TCF20: variants seen among roughly 807,000 people sequenced by gnomAD.
TCF20 encodes the protein transcription factor 20, also known as SPRE-binding protein.
In TCF20, 3 loss-of-function variants were observed where a neutral mutation model predicts 148.6. The observed-to-expected ratio is 0.02, with a 90% CI of 0.01 to 0.05. The LOEUF (loss-of-function observed/expected upper bound fraction) is 0.05. TCF20 is among the 10% of genes least tolerant of loss of function. The pLI is 1.00. For synonymous variants in TCF20, 1,049 were observed against 909.5 expected (o/e 1.15, Z -2.76); for missense variants, 2,350 against 2,429.3 (o/e 0.97, Z 0.69).
chr22:42,250,162 A>C (rs1175812586), intron 1 of TCF20, among the ~76,000 whole-genome samples: 1 of 152,184 alleles, frequency 6.6e-6, no homozygotes, highest in East Asian at 1.9e-4. Context: ...GAAACTGGCC[A>C]GGCACGGTGG....
chr22:42,270,711 CGGGCGGGA>C (rs1249753369), upstream of TCF20, among the ~76,000 whole-genome samples: 1 of 73,008 alleles, frequency 1.4e-5, no homozygotes, highest in East Asian at 3.9e-4. Context: ...GGCGCGCGGG[CGGGCGGGA>C]GGGCGCGCGG....
chr22:42,270,631 T>C lies in TCF20; in HGVS notation c.-329A>G, dbSNP rs947668453. ...TGGGCTCGGGGTTTTTTCTCTCCAT[T>C]CTCCCAACACACAGGAAATAACAGA... On this transcript the variant is annotated 5_prime_UTR_variant, in exon 1 of 6. Transcript: ENST00000677622. 5.1e-5 allele frequency among the ~76,000 whole-genome samples: 7 copies of C among 137,722 alleles called. No individual in the cohort carries two copies. Among genetic ancestry groups the C allele is most frequent in the Non-Finnish European group, 7.8e-5 (5 of 63,766 alleles). 90.4% of individuals were successfully genotyped at this position (137,722 alleles called of 152,430 possible). A position where few individuals can be genotyped will look rare whatever the true frequency, so the allele number is the denominator to read the frequency against.
At chr22:42,173,538 C>T (rs1304918592) in intron 3 of TCF20, among the ~76,000 whole-genome samples, 1 of 152,196 alleles carries the variant, frequency 6.6e-6, no homozygotes, top group Non-Finnish European at 1.5e-5. Context: ...CTGCTCTTTA[C>T]TCCATAAGGG....
chr22:42,223,583 G>A (rs1360070319), intron 1 of TCF20, among the ~76,000 whole-genome samples: 3 of 152,168 alleles, frequency 2.0e-5, no homozygotes, highest in South Asian at 2.1e-4. Context: ...AGACTCAGAA[G>A]TTAAACAAGC....
At chr22:42,161,783 A>C (rs1013290988) in intron 5 of TCF20, among the ~76,000 whole-genome samples, 1 of 152,194 alleles carries the variant, frequency 6.6e-6, no homozygotes, top group Non-Finnish European at 1.5e-5. Context: ...CTCGAAGTCC[A>C]GCCTTTTAGG....
intron 2 of TCF20, among the ~76,000 whole-genome samples, chr22:42,194,118 G>A (rs1333529172): frequency 1.3e-5 from 2 of 152,170 alleles, no homozygotes; most frequent in African/African-American, 2.4e-5. Flanking sequence ...TTGGGGGTCC[G>A]TGGGAAAAGT....
intron 1 of TCF20, among the ~76,000 whole-genome samples, chr22:42,227,064 C>T (rs753813907): frequency 6.6e-6 from 1 of 152,190 alleles, no homozygotes; most frequent in Non-Finnish European, 1.5e-5. Context: ...AGGCAGAACA[C>T]ACGAGGCCAG....
At chr22:42,243,310 A>AAAC (rs1555943090) in intron 1 of TCF20, among the ~76,000 whole-genome samples, 1 of 140,864 alleles carries the variant, frequency 7.1e-6, no homozygotes, top group African/African-American at 3.0e-5. Flanking sequence ...AAAAAAAAAA[A>AAAC]AAAAAAAAAA....
At chr22:42,257,159 CA>C in intron 1 of TCF20, among the ~76,000 whole-genome samples, 1 of 152,286 alleles carries the variant, frequency 6.6e-6, no homozygotes. Flanking sequence ...CATCCTGTCT[CA>C]AAAATTAAAA....
intron 1 of TCF20, among the ~76,000 whole-genome samples, chr22:42,314,540 G>A (rs916625155): frequency 5.9e-5 from 9 of 152,214 alleles, no homozygotes; most frequent in East Asian, 3.9e-4. Flanking sequence ...TCCCAGAGCC[G>A]GGGAGCTAGC....
chr22:42,252,615 T>A (rs1925470555), intron 1 of TCF20, among the ~76,000 whole-genome samples: 1 of 152,122 alleles, frequency 6.6e-6, no homozygotes, highest in South Asian at 2.1e-4. Flanking sequence ...CATGCCCAGC[T>A]AATTTTTGTA....
Position 42,242,227 on chromosome 22 carries a change from A to AAAAAAAAAAAAAAAAAAAAAAT in TCF20, c.-36-26887_-36-26886insATTTTTTTTTTTTTTTTTTTTT, listed in dbSNP as rs1491280192. Among the ~76,000 whole-genome samples, 44 of 122,744 alleles carry AAAAAAAAAAAAAAAAAAAAAAT rather than the reference A, an allele frequency of 3.6e-4. 4 individuals carry two copies. Among genetic ancestry groups the AAAAAAAAAAAAAAAAAAAAAAT allele is most frequent in the Admixed American group, 5.2e-4 (6 of 11,616 alleles). The allele number at this position is 122,744 out of a possible 152,430, so 80.5% of individuals were successfully genotyped here. On this transcript the variant is annotated intron_variant, in intron 1 of 5. Transcript: ENST00000677622. ...CAAAAAAAAAAAAAAAAAAAAAAAA[A>AAAAAAAAAAAAAAAAAAAAAAT]CAGAAAAGAAAGGGTGACTACAAGG... is the stretch of plus-strand genomic sequence containing the variant.
At chr22:42,339,880 T>A (rs969662297) in intron 1 of TCF20, among the ~76,000 whole-genome samples, 1 of 152,004 alleles carries the variant, frequency 6.6e-6, no homozygotes, top group Non-Finnish European at 1.5e-5. Flanking sequence ...GGGGCCCATC[T>A]CCCTCCCACC....
chr22:42,173,476 C>A (rs558704689), intron 3 of TCF20, among the ~76,000 whole-genome samples: 9 of 151,794 alleles, frequency 5.9e-5, no homozygotes, highest in Admixed American at 1.3e-4. Context: ...ACATCAACAG[C>A]TCTTTAAAGA....
At chr22:42,252,302 TA>T (rs781406966) in intron 1 of TCF20, among the ~76,000 whole-genome samples, 1 of 145,914 alleles carries the variant, frequency 6.9e-6, no homozygotes. Flanking sequence ...AAGAAAAAAA[TA>T]AAAAAAAGAA....
intron 5 of TCF20, 65 bp from the exon 6 acceptor site, chr22:42,161,423 T>G: frequency 6.2e-7 from 1 of 1,609,756 alleles, no homozygotes; most frequent in Non-Finnish European, 8.5e-7. Context: ...CAACAGCCGC[T>G]GTTCCGTGGT....
At chr22:42,175,483 G>A (rs1936395457) in intron 3 of TCF20, among the ~76,000 whole-genome samples, 1 of 152,150 alleles carries the variant, frequency 6.6e-6, no homozygotes, top group South Asian at 2.1e-4. Flanking sequence ...TGGGACTACA[G>A]GCACGCGCCA....
chr22:42,199,269 T>A (rs1937815987), intron 2 of TCF20, among the ~76,000 whole-genome samples: 1 of 152,182 alleles, frequency 6.6e-6, no homozygotes, highest in East Asian at 1.9e-4. Context: ...ATCTAAACCC[T>A]GTGGCCAATT....
intron 1 of TCF20, among the ~76,000 whole-genome samples, chr22:42,333,674 C>T (rs1160483091): frequency 6.6e-6 from 1 of 152,228 alleles, no homozygotes; most frequent in Non-Finnish European, 1.5e-5. Flanking sequence ...AATTCAGAGA[C>T]CAGAACACAC....
Sources: allele counts gnomAD v4.1 joint callset (sites outside exome capture counted in the v4.1 genomes callset), GRCh38; gene constraint gnomAD v4.1.1; transcripts MANE v1.5; gene names NCBI Gene and HGNC (gene_info 2026-07-23, HGNC 2026-07-21).